Variants in NMI observed in about 807,000 individuals in gnomAD.
NMI encodes the protein N-myc-interactor.
A neutral mutation model predicts 34.3 loss-of-function variants in NMI; 39 were observed. That is an observed-to-expected ratio of 1.14 (90% CI 0.88 to 1.49). The LOEUF (loss-of-function observed/expected upper bound fraction) is 1.49, where lower values mean the gene tolerates loss of function less well. Ranked by LOEUF, NMI falls within the 40% of genes most tolerant of loss-of-function variation. The probability of loss-of-function intolerance (pLI) is 0.00; values close to 1 mark genes in which losing one functional copy is unlikely to be tolerated. For missense variants in NMI, 339 were observed against 358.1 expected, an observed-to-expected ratio of 0.95 and a Z score of 0.43; for synonymous variants, 113 against 120.3, an observed-to-expected ratio of 0.94 and a Z score of 0.40.
chr2:151,284,173 T>C (rs188058679), intron 1 of NMI, among the ~76,000 whole-genome samples: 2,155 of 152,304 alleles, frequency 0.014, 50 homozygotes, highest in African/African-American at 0.047. Flanking sequence ...CTGGCCAACA[T>C]GGTGAAACCC....
intron 6 of NMI, among the ~76,000 whole-genome samples, chr2:151,273,059 T>C (rs898848626): frequency 6.6e-5 from 10 of 151,848 alleles, no homozygotes; most frequent in African/African-American, 2.4e-4. Flanking sequence ...CCTTGAATTG[T>C]ACATTTAAAA....
Position 151,271,745 on chromosome 2 carries a change from C to T in NMI, c.635-13G>A, listed in dbSNP as rs2105200909. The T allele has an allele frequency of 8.0e-7, 1 of 1,256,792 alleles. No homozygotes were observed. The highest frequency in any genetic ancestry group is 1.9e-5 in the Admixed American group (1 of 52,868). The allele number at this position is 1,256,792 out of a possible 1,614,324, so 77.9% of individuals were successfully genotyped here. On this transcript the variant is annotated splice_polypyrimidine_tract_variant and intron_variant, in intron 6 of 7. Transcript: ENST00000243346. ...ATCTTGTCAGCCACTAAAAGCAAAA[C>T]AAAAACAATACTTGTCTTTTTTATA...
rs1001010935 is a variant in NMI, at chr2:151,285,036, G to A, written c.-6-2082C>T. Among the ~76,000 whole-genome samples, 155 of 152,190 alleles carry A rather than the reference G, an allele frequency of 1.0e-3. 2 individuals are homozygous for A. Among genetic ancestry groups the A allele is most frequent in the Non-Finnish European group, 4.3e-4 (29 of 68,028 alleles). ...AGCAATGGCTGATTCTAGGTCTGGG[G>A]TATAAAATATACAAAATAAGCCTGG... On this transcript the variant is annotated intron_variant, in intron 1 of 7. Coordinates refer to ENST00000243346, the MANE Select transcript of NMI (RefSeq NM_004688.3).
At chr2:151,280,314 G>T (rs1395351684) in intron 3 of NMI, among the ~76,000 whole-genome samples, 1 of 152,098 alleles carries the variant, frequency 6.6e-6, no homozygotes, top group Non-Finnish European at 1.5e-5. Context: ...ATAGATGCTT[G>T]CATTTCTATT....
rs77975203 is a variant in NMI at position 151,276,738 on chromosome 2, A to G, written c.341-874T>C. The stretch of plus-strand genomic sequence containing the variant: ...CATTTGCTCTGTCTTCTCAAGGATT[A>G]CATGTTAAAGACTACATAGGCTGGA... On this transcript the variant is annotated intron_variant, in intron 4 of 7. Transcript: ENST00000243346. 7.2e-5 allele frequency among the ~76,000 whole-genome samples: 11 copies of G among 152,342 alleles called. No individual in the cohort carries two copies. The East Asian group carries it at 2.1e-3, about 29-fold the overall frequency.
chr2:151,280,869 G>A (rs1382448053), intron 3 of NMI, among the ~76,000 whole-genome samples: 3 of 149,838 alleles, frequency 2.0e-5, no homozygotes, highest in African/African-American at 4.9e-5. Context: ...TTTAGGCGGC[G>A]CCTCGCTCTG....
chr2:151,282,780 G>T (rs142639684), intron 2 of NMI, 88 bp downstream of exon 2: 12 of 659,542 alleles, frequency 1.8e-5, no homozygotes, highest in Middle Eastern at 7.9e-4. Flanking sequence ...TCAAGGTAAT[G>T]TTGGACAAAG....
intron 4 of NMI, 74 bp from the exon 5 acceptor site, chr2:151,275,938 AATT>A (rs1683287842): frequency 1.1e-6 from 1 of 952,300 alleles, no homozygotes; most frequent in Non-Finnish European, 1.6e-6. Context: ...TTTAAGAACA[AATT>A]ATCCTGAATA....
intron 7 of NMI, among the ~76,000 whole-genome samples, chr2:151,271,288 T>C (rs1448268389): frequency 6.6e-6 from 1 of 152,188 alleles, no homozygotes; most frequent in African/African-American, 2.4e-5. Context: ...GGGGTAAAGA[T>C]AATGAGTTCA....
intron 2 of NMI, among the ~76,000 whole-genome samples, 190 bp from the exon 3 acceptor site, chr2:151,282,233 C>G (rs1035417972): frequency 6.6e-6 from 1 of 152,112 alleles, no homozygotes; most frequent in Non-Finnish European, 1.5e-5. Flanking sequence ...TCTAACATTG[C>G]CAAGTAGTAC....
intron 1 of NMI, among the ~76,000 whole-genome samples, chr2:151,285,142 G>A (rs1361215921): frequency 6.6e-6 from 1 of 152,078 alleles, no homozygotes; most frequent in Non-Finnish European, 1.5e-5. Context: ...TATGTGAAAG[G>A]GACATGGGGA....
At chr2:151,282,131 C>T in intron 2 of NMI, 88 bp from the exon 3 acceptor site, 1 of 648,122 alleles carries the variant, frequency 1.5e-6, no homozygotes, top group Non-Finnish European at 2.7e-6. Flanking sequence ...TTTCTCTCAT[C>T]CTGACCAAAG....
intron 3 of NMI, among the ~76,000 whole-genome samples, chr2:151,280,611 T>G (rs1235997686): frequency 6.6e-6 from 1 of 152,212 alleles, no homozygotes; most frequent in Admixed American, 6.5e-5. Context: ...GCAAATTTAC[T>G]TAAGCTCTCT....
intron 1 of NMI, among the ~76,000 whole-genome samples, chr2:151,285,355 TG>T (rs1683474526): frequency 7.6e-6 from 1 of 130,994 alleles, no homozygotes; most frequent in African/African-American, 2.8e-5. Flanking sequence ...GATTGATGAT[TG>T]AGATAGATAG....
At chr2:151,275,364 A>C in intron 6 of NMI, 120 bp downstream of exon 6, 1 of 891,982 alleles carries the variant, frequency 1.1e-6, no homozygotes, top group Non-Finnish European at 1.7e-6. Flanking sequence ...GTTTTTTAAA[A>C]TCCCCAATTA....
At position 151,278,844 on chromosome 2, in the gene NMI, G is replaced by A. The variant is rs1325920738; in HGVS notation, c.324C>T (p.Thr108=). The A allele has an allele frequency of 6.2e-7, 1 of 1,613,044 alleles. No individual in the cohort carries two copies. ...YEIQKGQALI[T]FEKEEVAQNV... ...TAGTCATACCTTCTTCTTTTTCAAA[G>A]GTGATAAGTGCTTGTCCTTTTTGTA... Residue 108 remains threonine (T), a synonymous_variant, in exon 4 of 8, where the codon ACC becomes ACT. Transcript: ENST00000243346.
At chr2:151,286,768 C>T (rs1324247218) in intron 1 of NMI, among the ~76,000 whole-genome samples, 1 of 152,172 alleles carries the variant, frequency 6.6e-6, no homozygotes, top group Non-Finnish European at 1.5e-5. Context: ...CTTCGAGTCC[C>T]TTGAATTCCT....
At chr2:151,282,741 T>A (rs905806224) in intron 2 of NMI, 127 bp downstream of exon 2, 39 of 487,576 alleles carry the variant, frequency 8.0e-5, no homozygotes, top group African/African-American at 7.1e-4. Flanking sequence ...AAGTTAAAAA[T>A]TTTTTTAAAG....
At position 151,271,685 on chromosome 2, in the gene NMI, G is replaced by T; in HGVS notation, c.682C>A (p.Gln228Lys). 1.3e-6 allele frequency: 2 copies of T among 1,589,356 alleles called. No homozygotes were observed. The highest frequency in any genetic ancestry group is 2.2e-5 in the South Asian group (2 of 89,514). Residue 228 changes from glutamine to lysine, a missense_variant, in exon 7 of 8, where the codon CAA becomes AAA. By Grantham distance (53) the Gln-to-Lys change is moderately conservative (BLOSUM62 1). Transcript: ENST00000243346. Reference protein sequence around the residue: ...KKKEYPLYINQTCHRVTVSPY... With the variant: ...KKKEYPLYINKTCHRVTVSPY... ...GAAACAGTAACTCTATGGCAGGTTT[G>T]ATTTATATAAAGAGGGTATTCTTTC...
Sources: allele counts gnomAD v4.1 joint callset (sites outside exome capture counted in the v4.1 genomes callset), GRCh38; gene constraint gnomAD v4.1.1; transcripts MANE v1.5; gene names NCBI Gene and HGNC (gene_info 2026-07-23, HGNC 2026-07-21).